The following CANX variants were observed in gnomAD, a reference collection of about 807,000 sequenced individuals.
The protein encoded by CANX is epididymis secretory sperm binding protein.
In CANX, 14 loss-of-function variants were observed where a neutral mutation model predicts 75.7. The ratio of observed to expected loss-of-function variants is 0.19; its 90% CI spans 0.12 to 0.29. The LOEUF (loss-of-function observed/expected upper bound fraction) is 0.29, where lower values mean the gene tolerates loss of function less well. Ranked by LOEUF, CANX falls within the 10% of genes least tolerant of loss-of-function variation. The pLI is 1.00. For missense variants in CANX, 567 were observed against 713.2 expected, an observed-to-expected ratio of 0.79 and a Z score of 2.34; for synonymous variants, 227 against 236.9, an observed-to-expected ratio of 0.96 and a Z score of 0.38.
At chr5:179,707,372 C>T (rs545797105) in intron 4 of CANX, among the ~76,000 whole-genome samples, 182 bp downstream of exon 4, 5 of 152,234 alleles carry the variant, frequency 3.3e-5, no homozygotes, top group African/African-American at 1.2e-4. Flanking sequence ...ATCACGAGGT[C>T]AGGAGATCGA....
chr5:179,702,697 G>C (rs1199025595), intron 1 of CANX, among the ~76,000 whole-genome samples: 1 of 151,902 alleles, frequency 6.6e-6, no homozygotes, highest in Non-Finnish European at 1.5e-5. Flanking sequence ...TTTTCTGTTT[G>C]TTTGTTTGTT....
chr5:179,691,314 C>T (rs1776295555), intron 1 of CANX, among the ~76,000 whole-genome samples: 2 of 152,132 alleles, frequency 1.3e-5, no homozygotes, highest in Admixed American at 6.6e-5. Context: ...TGTGAGCCAT[C>T]ATGCCTGGCC....
chr5:179,717,658 G>T (rs1410526953), intron 8 of CANX, among the ~76,000 whole-genome samples: 1 of 151,758 alleles, frequency 6.6e-6, no homozygotes, highest in Non-Finnish European at 1.5e-5. Context: ...CTGTGATTAT[G>T]AATAATGCTG....
chr5:179,726,962 T>G (rs1778711636), intron 14 of CANX, among the ~76,000 whole-genome samples: 1 of 152,226 alleles, frequency 6.6e-6, no homozygotes, highest in Non-Finnish European at 1.5e-5. Flanking sequence ...AGAAGTATCT[T>G]TTTAGCTGAA....
intron 9 of CANX, among the ~76,000 whole-genome samples, 178 bp from the exon 10 acceptor site, chr5:179,720,223 TTTC>T (rs141685207): frequency 0.049 from 7,458 of 152,296 alleles, 233 homozygotes; most frequent in South Asian, 0.099. Context: ...TTAATTATAT[TTTC>T]TTCTTTTTTA....
chr5:179,718,327 C>CCAATG (rs1778096348), intron 8 of CANX, among the ~76,000 whole-genome samples: 2 of 151,882 alleles, frequency 1.3e-5, no homozygotes, highest in South Asian at 4.1e-4. Context: ...CAAGCGTGCA[C>CCAATG]CACTGCACTC....
intron 1 of CANX, chr5:179,699,431 C>G (rs1323826344): frequency 6.6e-6 from 1 of 151,508 alleles, no homozygotes; most frequent in Non-Finnish European, 1.5e-5. Context: ...GCCTGGGCAG[C>G]CGCGAGGTGG....
upstream of CANX, among the ~76,000 whole-genome samples, chr5:179,696,911 C>G (rs531116779): frequency 6.6e-6 from 1 of 151,658 alleles, no homozygotes; most frequent in East Asian, 1.9e-4. Context: ...TCCAACAGCA[C>G]GTACTCACTT....
chr5:179,693,722 A>G (rs1205290722), upstream of CANX, among the ~76,000 whole-genome samples: 1 of 151,978 alleles, frequency 6.6e-6, no homozygotes, highest in African/African-American at 2.4e-5. Context: ...GCATGCCTAT[A>G]GTCTTAGCCA....
chr5:179,711,071 A>G lies in CANX; in HGVS notation c.721+1006A>G, dbSNP rs116833471. On this transcript the variant is annotated intron_variant, in intron 7 of 14. Transcript: ENST00000247461. The stretch of plus-strand genomic sequence containing the variant: ...GATTCTGTACCCCCTCCACGAAAGA[A>G]AAGAATCTCTTCACTTTAGTATCTT... 7.6e-3 allele frequency among the ~76,000 whole-genome samples: 1,154 copies of G among 152,152 alleles called. 15 individuals carry two copies. Among genetic ancestry groups the G allele is most frequent in the African/African-American group, 0.027 (1,102 of 41,508 alleles).
chr5:179,687,315 G>A (rs1776207056), intron 1 of CANX, among the ~76,000 whole-genome samples: 2 of 151,424 alleles, frequency 1.3e-5, no homozygotes, highest in South Asian at 2.1e-4. Context: ...GTGTTAGTCA[G>A]GATGGTCTCG....
At chr5:179,701,735 A>ATT (rs1776774271) in intron 1 of CANX, among the ~76,000 whole-genome samples, 1 of 27,558 alleles carries the variant, frequency 3.6e-5, no homozygotes, top group African/African-American at 7.3e-5. Flanking sequence ...CAACAGATGT[A>ATT]CTTTTTTTTT....
At chr5:179,716,394 A>C in intron 8 of CANX, 100 bp downstream of exon 8, 1 of 812,270 alleles carries the variant, frequency 1.2e-6, no homozygotes, top group South Asian at 1.7e-5. Flanking sequence ...TGATAATTTC[A>C]GTAATCCATG....
chr5:179,709,641 A>G, intron 6 of CANX: 1 of 321,952 alleles, frequency 3.1e-6, no homozygotes. Flanking sequence ...TGAGGAAGCA[A>G]TAACTGTCTA....
At chr5:179,683,826 G>A (rs1359214819) in intron 1 of CANX, among the ~76,000 whole-genome samples, 6 of 152,114 alleles carry the variant, frequency 3.9e-5, no homozygotes, top group South Asian at 4.1e-4. Context: ...GAGCCACCGC[G>A]CCCAGCCTCA....
At chr5:179,724,116 A>G (rs1448783422) in intron 12 of CANX, among the ~76,000 whole-genome samples, 1 of 152,002 alleles carries the variant, frequency 6.6e-6, no homozygotes, top group African/African-American at 2.4e-5. Context: ...TGGCATAGCT[A>G]TTTCTATTCT....
At chr5:179,721,081 C>G (rs1456528686) in intron 10 of CANX, among the ~76,000 whole-genome samples, 1 of 151,320 alleles carries the variant, frequency 6.6e-6, no homozygotes, top group Non-Finnish European at 1.5e-5. Flanking sequence ...TGCATCTGGT[C>G]AACTTTCTTT....
chr5:179,719,595 C>A, intron 8 of CANX, 73 bp from the exon 9 acceptor site: 1 of 773,070 alleles, frequency 1.3e-6, no homozygotes, highest in South Asian at 1.7e-5. Flanking sequence ...TTAGAATACT[C>A]TGTTCTGATC....
chr5:179,726,027 G>A (rs553588818), intron 13 of CANX, among the ~76,000 whole-genome samples: 14 of 151,610 alleles, frequency 9.2e-5, no homozygotes, highest in African/African-American at 2.9e-4. Flanking sequence ...GGTGGCTCAC[G>A]CCTATAATCC....
Sources: allele counts gnomAD v4.1 joint callset (sites outside exome capture counted in the v4.1 genomes callset), GRCh38; gene constraint gnomAD v4.1.1; transcripts MANE v1.5; gene names NCBI Gene and HGNC (gene_info 2026-07-23, HGNC 2026-07-21).